The following SURF6 variants were observed in gnomAD, a reference collection of about 807,000 sequenced individuals.
SURF6 encodes the protein surfeit 6.
SURF6 carries 28 observed loss-of-function variants against 37.5 expected under a neutral mutation model. That is an observed-to-expected ratio of 0.75 (90% CI 0.55 to 1.02). The LOEUF is 1.02. Ranked by LOEUF, SURF6 falls within the 50% of genes least tolerant of loss-of-function variation. SURF6 has a pLI of 0.00. For missense variants in SURF6, 560 were observed against 490.5 expected, an observed-to-expected ratio of 1.14 and a Z score of -1.34; for synonymous variants, 248 against 210.9, an observed-to-expected ratio of 1.18 and a Z score of -1.52.
chr9:133,335,171 G>A (rs2129930155), intron 1 of SURF6, among the ~76,000 whole-genome samples: 85 of 152,256 alleles, frequency 5.6e-4, no homozygotes, highest in Middle Eastern at 6.8e-3. Flanking sequence ...TGTTGTCCAG[G>A]ATGGTCTTGA....
At chr9:133,332,425 G>T (rs1835767459) in intron 4 of SURF6, 77 bp from the exon 5 acceptor site, 1 of 1,528,004 alleles carries the variant, frequency 6.5e-7, no homozygotes. Flanking sequence ...TAAGGGACCT[G>T]CGAGGTCCCC....
At chr9:133,332,855 G>A (rs1248266982) in intron 3 of SURF6, 95 bp from the exon 4 acceptor site, 9 of 1,289,190 alleles carry the variant, frequency 7.0e-6, no homozygotes, top group Non-Finnish European at 8.6e-6. Context: ...TGGAAGGCAG[G>A]TGAGAAAATC....
Position 133,334,439 on chromosome 9 carries a change from G to A in SURF6, c.257C>T (p.Ala86Val). The A allele has an allele frequency of 1.2e-6, 2 of 1,613,864 alleles. No individual in the cohort carries two copies. The highest frequency in any genetic ancestry group is 1.7e-6 in the Non-Finnish European group (2 of 1,180,026). ...AASGARRPEAAKEEAAWASSS... is the reference protein window; with the variant it reads ...AASGARRPEAVKEEAAWASSS... ...GGAAGCCCAAGCTGCTTCCTCTTTG[G>A]CTGCCTCAGGCCTCCTGGCCCCAGA... The change falls in exon 2 of 5, where the codon GCC becomes GTC. Residue 86 changes from alanine to valine, a missense_variant. Physicochemically the swap from Ala to Val is moderately conservative, Grantham distance 64 (BLOSUM62 0). Transcript: ENST00000372022.
chr9:133,332,453 A>G (rs1306377228), intron 4 of SURF6, 95 bp downstream of exon 4: 3 of 1,543,006 alleles, frequency 1.9e-6, no homozygotes, highest in Non-Finnish European at 2.6e-6. Context: ...CCTTACAGAC[A>G]TGATGGGGTT....
chr9:133,333,689 A>G (rs2129924164), intron 3 of SURF6, 29 bp downstream of exon 3: 1 of 1,605,648 alleles, frequency 6.2e-7, no homozygotes, highest in African/African-American at 1.3e-5. Flanking sequence ...CAGAGCAGTG[A>G]CGGCACTCCA....
In SURF6 at chr9:133,332,079, G is replaced by A; in HGVS notation, c.876C>T (p.Ala292=). The change falls in exon 5 of 5, where the codon GCC becomes GCT. Residue 292 remains alanine (A), a synonymous_variant. Coordinates refer to ENST00000372022, the MANE Select transcript of SURF6 (RefSeq NM_006753.6). ...CCCTGCGCTTCTCCTTGCGCTTCAG[G>A]GCCTCCTGCAGCAGGCGTTCGTCGT... ...IRDDERLLQE[A]LKRKEKRRAQ... is the part of the protein sequence containing the mutation. 6.2e-7 allele frequency: 1 copy of A among 1,607,810 alleles called. No homozygotes were observed. Among genetic ancestry groups the A allele is most frequent in the Non-Finnish European group, 8.5e-7 (1 of 1,179,894 alleles).
intron 3 of SURF6, 136 bp downstream of exon 3, chr9:133,333,582 C>A (rs893911581): frequency 5.4e-6 from 4 of 742,592 alleles, no homozygotes; most frequent in African/African-American, 3.5e-5. Flanking sequence ...AACTGCTCTC[C>A]CAGAGCACAC....
chr9:133,334,721 A>G (rs34264364), intron 1 of SURF6, 120 bp from the exon 2 acceptor site: 2 of 1,168,996 alleles, frequency 1.7e-6, no homozygotes, highest in African/African-American at 3.1e-5. Flanking sequence ...ATCGGGGGCC[A>G]GAGACACTGA....
At chr9:133,335,903 CAAAT>C (rs2129933026) in intron 1 of SURF6, 132 bp downstream of exon 1, 9 of 722,210 alleles carry the variant, frequency 1.2e-5, no homozygotes, top group African/African-American at 7.5e-5. Context: ...ACAAAAAAAA[CAAAT>C]AAGGGAAACG....
Position 133,332,245 on chromosome 9 carries a change from C to G in SURF6, c.710G>C (p.Arg237Pro), listed in dbSNP as rs1202970291. ...NLTPLTGRNY[R>P]QLLERLQARQ... ...TGCCTGCAGGCGCTCCAGCAGCTGC[C>G]GGTAGTTCCTCCCGGTCAGCGGCGT... Residue 237 changes from arginine (R) to proline (P), a missense_variant, in exon 5 of 5, where the codon CGG becomes CCG. Arg to Pro is a moderately radical substitution (Grantham distance 103). Coordinates refer to ENST00000372022, the MANE Select transcript of SURF6 (RefSeq NM_006753.6). The G allele has an allele frequency of 6.2e-7, 1 of 1,605,050 alleles. No homozygotes were observed. The highest frequency in any genetic ancestry group is 1.1e-5 in the South Asian group (1 of 91,060).
chr9:133,332,460 G>C, intron 4 of SURF6, 88 bp downstream of exon 4: 1 of 1,548,188 alleles, frequency 6.5e-7, no homozygotes, highest in Non-Finnish European at 8.7e-7. Flanking sequence ...GACATGATGG[G>C]GTTCGGAGAG....
intron 1 of SURF6, among the ~76,000 whole-genome samples, chr9:133,335,335 T>TG (rs1835847375): frequency 1.3e-5 from 1 of 77,826 alleles, no homozygotes; most frequent in Admixed American, 1.4e-4. Context: ...AAAAAAAAAA[T>TG]TTCAAAAAGG....
rs2129928185 is a variant in SURF6, at chr9:133,334,543, T to C, written c.153A>G (p.Thr51=). 6.2e-7 allele frequency: 1 copy of C among 1,613,810 alleles called. No individual in the cohort carries two copies. The highest frequency in any genetic ancestry group is 8.5e-7 in the Non-Finnish European group (1 of 1,180,046). ...AGPPKKKRKK[T]QKKFRKREEK... ...CTTCTCGCTTCCGGAATTTCTTTTG[T>C]GTTTTCTTCCTTTTCTTTTTTGGGG... Residue 51 remains threonine (T), a synonymous_variant, in exon 2 of 5, where the codon ACA becomes ACG. Transcript: ENST00000372022.
chr9:133,332,211 G>C lies in SURF6; in HGVS notation c.744C>G (p.Ser248Arg), dbSNP rs1835758028. 6.2e-7 allele frequency: 1 copy of C among 1,607,836 alleles called. No homozygotes were observed. Among genetic ancestry groups the C allele is most frequent in the African/African-American group, 1.3e-5 (1 of 75,064 alleles). Residue 248 changes from serine to arginine, a missense_variant, in exon 5 of 5, where the codon AGC becomes AGG. Ser to Arg is a moderately radical substitution (Grantham distance 110). Coordinates refer to ENST00000372022, the MANE Select transcript of SURF6 (RefSeq NM_006753.6). ...CCTGGCCGCGCAGCTCGTCCAGCCG[G>C]CTCTGCCGTGCCTGCAGGCGCTCCA... Reference protein sequence around the residue: ...QLLERLQARQSRLDELRGQDE... With the variant: ...QLLERLQARQRRLDELRGQDE...
upstream of SURF6, chr9:133,336,188 C>CCAGGAATCT: frequency 6.7e-7 from 1 of 1,491,742 alleles, no homozygotes; most frequent in Non-Finnish European, 9.2e-7. Context: ...GTGCGACTCT[C>CCAGGAATCT]ACCACCTCCG....
rs2119040774 is a variant in SURF6, at chr9:133,331,692, CTT to C, written c.*175_*176del. 1.2e-6 allele frequency: 1 copy of C among 829,078 alleles called. No individual in the cohort carries two copies. Among genetic ancestry groups the C allele is most frequent in the Admixed American group, 3.9e-5 (1 of 25,558 alleles). 51.4% of individuals were successfully genotyped at this position (829,078 alleles called of 1,614,324 possible). Reference sequence around the variant, plus strand: ...TTCAAGGATGACGCTGAAACTCTCTCTTTCTCACATGGGATCTGTGATCTGGG... The same window carrying C: ...TTCAAGGATGACGCTGAAACTCTCTCTCTCACATGGGATCTGTGATCTGGG... On this transcript the variant is annotated 3_prime_UTR_variant, in exon 5 of 5. Coordinates refer to ENST00000372022, the MANE Select transcript of SURF6 (RefSeq NM_006753.6).
At position 133,331,944 on chromosome 9, in the gene SURF6, G is replaced by A. The variant is rs2129912921; in HGVS notation, c.1011C>T (p.Ala337=). ...TGCGGGCTCTGAGCAGGCGGCGCTCGGCGCGGGCCGCCTTCTTCCTGCGCA... is the reference window on the plus strand; with the variant it reads ...TGCGGGCTCTGAGCAGGCGGCGCTCAGCGCGGGCCGCCTTCTTCCTGCGCA... The part of the protein sequence containing the change: ...QNLRRKKAAR[A]ERRLLRARKK... Residue 337 remains alanine, a synonymous_variant, in exon 5 of 5, where the codon GCC becomes GCT. Coordinates refer to ENST00000372022, the MANE Select transcript of SURF6 (RefSeq NM_006753.6). The A allele has an allele frequency of 2.3e-5, 37 of 1,588,134 alleles. No homozygotes were observed. Among genetic ancestry groups the A allele is most frequent in the East Asian group, 4.5e-5 (2 of 44,508 alleles).
In SURF6 at chr9:133,330,625, A is replaced by G. The variant is rs1835701427; in HGVS notation, c.*1244T>C. 1 of 152,130 alleles carries G rather than the reference A, an allele frequency of 6.6e-6. No homozygotes were observed. The highest frequency in any genetic ancestry group is 6.5e-5 in the Admixed American group (1 of 15,270). 9.4% of individuals were successfully genotyped at this position (152,130 alleles called of 1,614,324 possible). A position where few individuals can be genotyped will look rare whatever the true frequency, so the allele number is the denominator to read the frequency against. ...GAATTCTTTAACTCATAGGTAATTT[A>G]TAAGTGTGTTTTAAAAATTCCAAAT... is the stretch of plus-strand genomic sequence containing the variant. On this transcript the variant is annotated 3_prime_UTR_variant, in exon 5 of 5. Transcript: ENST00000372022.
Position 133,336,188 on chromosome 9 carries a change from C to A in SURF6, c.-56G>T. ...CCTTCCCCGCTGCGCGTGCGACTCT[C>A]ACCACCTCCGCCGGAAACCACCACA... On this transcript the variant is annotated 5_prime_UTR_variant, in exon 1 of 5. Coordinates refer to ENST00000372022, the MANE Select transcript of SURF6 (RefSeq NM_006753.6). 1 of 1,491,744 alleles carries A rather than the reference C, an allele frequency of 6.7e-7. No individual in the cohort carries two copies. The highest frequency in any genetic ancestry group is 1.4e-5 in the African/African-American group (1 of 70,586). 92.4% of individuals were successfully genotyped at this position (1,491,744 alleles called of 1,614,324 possible). A position where few individuals can be genotyped will look rare whatever the true frequency, so the allele number is the denominator to read the frequency against.
Sources: gnomAD v4.1 joint callset for allele counts (sites outside exome capture counted in the v4.1 genomes callset) on GRCh38, gnomAD v4.1.1 for gene constraint, MANE v1.5 for transcripts, NCBI Gene and HGNC (gene_info 2026-07-23, HGNC 2026-07-21) for gene names.